The following ROBO1 variants were observed in gnomAD, a reference collection of about 807,000 sequenced individuals.
ROBO1 encodes the protein roundabout homolog 1.
In ROBO1, 149 loss-of-function variants were observed where a neutral mutation model predicts 195.9. That is an observed-to-expected ratio of 0.76 (90% CI 0.67 to 0.87). The LOEUF is 0.87. Among genes scored for constraint, ROBO1 ranks in the 40% least tolerant of loss-of-function variants. The pLI is 0.00. For missense variants in ROBO1, 1,933 were observed against 2,068.3 expected, an observed-to-expected ratio of 0.93 and a Z score of 1.27; for synonymous variants, 816 against 733.2, an observed-to-expected ratio of 1.11 and a Z score of -1.82.
rs374656599 is a variant in ROBO1, at chr3:78,639,818, T to C, written c.2963A>G (p.Asn988Ser). Residue 988 changes from asparagine to serine, a missense_variant, in exon 22 of 31, where the codon AAT (asparagine) becomes AGT (serine). Physicochemically the swap from Asn to Ser is conservative, Grantham distance 46 (BLOSUM62 1). Transcript: ENST00000464233. ...DTWPNTGNNH[N>S]DCSISCCTAG... The stretch of plus-strand genomic sequence containing the variant: ...CGTGCAGCAGCTGATGGAGCAGTCA[T>C]TGTGGTTGTTGCCAGTATTAGGCCA... 6.2e-7 allele frequency: 1 copy of C among 1,613,392 alleles called. No homozygotes were observed. The highest frequency in any genetic ancestry group is 1.3e-5 in the African/African-American group (1 of 74,910).
At chr3:78,704,072 T>C (rs1684504900) in intron 8 of ROBO1, among the ~76,000 whole-genome samples, 1 of 152,150 alleles carries the variant, frequency 6.6e-6, no homozygotes, top group African/African-American at 2.4e-5. Context: ...CTCACAGTTC[T>C]CAACCAAGAT....
chr3:79,482,768 A>G (rs551536390), intron 2 of ROBO1, among the ~76,000 whole-genome samples: 1 of 152,336 alleles, frequency 6.6e-6, no homozygotes, highest in East Asian at 1.9e-4. Context: ...CGTGATAACC[A>G]TAGAGGGATG....
intron 2 of ROBO1, among the ~76,000 whole-genome samples, chr3:79,550,501 C>T (rs532879996): frequency 1.3e-5 from 2 of 152,286 alleles, no homozygotes; most frequent in Non-Finnish European, 2.9e-5. Flanking sequence ...TAGAGAGGAA[C>T]ATTTTAACTT....
At chr3:78,684,618 T>C (rs2081009999) in intron 10 of ROBO1, among the ~76,000 whole-genome samples, 1 of 152,042 alleles carries the variant, frequency 6.6e-6, no homozygotes, top group Admixed American at 6.6e-5. Context: ...AGAAACAGGA[T>C]GGAATTAGTA....
chr3:79,502,439 C>T (rs1349919195), intron 2 of ROBO1, among the ~76,000 whole-genome samples: 1 of 152,138 alleles, frequency 6.6e-6, no homozygotes, highest in Non-Finnish European at 1.5e-5. Flanking sequence ...GCCTTAGCTG[C>T]CTCCCCGCGG....
chr3:79,035,080 T>C (rs1287804233), intron 3 of ROBO1, among the ~76,000 whole-genome samples: 1 of 152,110 alleles, frequency 6.6e-6, no homozygotes, highest in Non-Finnish European at 1.5e-5. Flanking sequence ...AAAATAGCAA[T>C]CGTTGGTATC....
chr3:79,194,466 C>A (rs1330424862), intron 2 of ROBO1, among the ~76,000 whole-genome samples: 1 of 151,604 alleles, frequency 6.6e-6, no homozygotes, highest in Non-Finnish European at 1.5e-5. Context: ...TATTACAATA[C>A]ATAATTCCCA....
intron 4 of ROBO1, among the ~76,000 whole-genome samples, chr3:78,792,055 G>T (rs1211130485): frequency 1.3e-5 from 2 of 152,148 alleles, no homozygotes; most frequent in Non-Finnish European, 2.9e-5. Context: ...CCCTCATAGG[G>T]TTTCATCTGC....
chr3:78,947,828 T>C (rs1046596744), intron 3 of ROBO1, among the ~76,000 whole-genome samples: 2 of 152,016 alleles, frequency 1.3e-5, no homozygotes, highest in Admixed American at 1.3e-4. Context: ...CAATAAAAAA[T>C]GATAAAGGGG....
chr3:79,065,291 C>T (rs1364039728), intron 3 of ROBO1, among the ~76,000 whole-genome samples: 1 of 151,874 alleles, frequency 6.6e-6, no homozygotes, highest in Non-Finnish European at 1.5e-5. Flanking sequence ...CTGTCATTCC[C>T]TATGTCTTGA....
At chr3:79,166,535 G>C (rs900110525) in intron 2 of ROBO1, among the ~76,000 whole-genome samples, 1 of 150,458 alleles carries the variant, frequency 6.6e-6, no homozygotes, top group African/African-American at 2.4e-5. Flanking sequence ...TAAGTTGCAG[G>C]ATGGAAGGCA....
intron 1 of ROBO1, among the ~76,000 whole-genome samples, chr3:79,684,541 G>T (rs1947042922): frequency 6.6e-6 from 1 of 151,968 alleles, no homozygotes; most frequent in Non-Finnish European, 1.5e-5. Flanking sequence ...TAAGTTCAAT[G>T]TCTGAACTTC....
chr3:79,583,168 T>C (rs1016246943), intron 2 of ROBO1, among the ~76,000 whole-genome samples: 1 of 152,040 alleles, frequency 6.6e-6, no homozygotes, highest in Non-Finnish European at 1.5e-5. Context: ...GTGTTCCTAT[T>C]CTGAACAGTT....
At chr3:79,583,499 T>G (rs1449862651) in intron 2 of ROBO1, among the ~76,000 whole-genome samples, 2 of 151,984 alleles carry the variant, frequency 1.3e-5, no homozygotes, top group East Asian at 1.9e-4. Context: ...TGGAGAAATA[T>G]CTGAAAAAGA....
chr3:79,660,498 G>C (rs955719884), intron 1 of ROBO1, among the ~76,000 whole-genome samples: 25 of 152,070 alleles, frequency 1.6e-4, no homozygotes, highest in African/African-American at 5.8e-4. Flanking sequence ...CCTGTGCCCT[G>C]AAGGTGTAGA....
chr3:79,126,396 A>G (rs2080215705), intron 2 of ROBO1, among the ~76,000 whole-genome samples: 1 of 152,198 alleles, frequency 6.6e-6, no homozygotes, highest in Non-Finnish European at 1.5e-5. Flanking sequence ...ACAACACTCC[A>G]GTTTCCATAT....
chr3:78,655,125 T>A (rs2118069), intron 18 of ROBO1, among the ~76,000 whole-genome samples: 148,095 of 151,698 alleles, frequency 0.98, 72,337 homozygotes, highest in East Asian at 1. Flanking sequence ...TGGTTTTTTT[T>A]AAAAAAAATA....
In ROBO1 at chr3:78,893,532, A is replaced by G. The variant is rs186819328; in HGVS notation, c.499+45069T>C. 1.6e-4 allele frequency among the ~76,000 whole-genome samples: 24 copies of G among 152,346 alleles called. No individual in the cohort carries two copies. The Middle Eastern group carries it at 0.014, about 86-fold the overall frequency. ...TCAGTCTTAGATATTTTATTGTAGC[A>G]GCACAGACTAAGACATATTGGCTGT... On this transcript the variant is annotated intron_variant, in intron 4 of 30. Coordinates refer to ENST00000464233, the MANE Select transcript of ROBO1 (RefSeq NM_002941.4).
chr3:79,402,305 C>T (rs1220779284), intron 2 of ROBO1, among the ~76,000 whole-genome samples: 1 of 151,848 alleles, frequency 6.6e-6, no homozygotes, highest in African/African-American at 2.4e-5. Context: ...CTTATTATTA[C>T]AGACAATAAT....
Sources: gnomAD v4.1 joint callset for allele counts (sites outside exome capture counted in the v4.1 genomes callset) on GRCh38, gnomAD v4.1.1 for gene constraint, MANE v1.5 for transcripts, NCBI Gene and HGNC (gene_info 2026-07-23, HGNC 2026-07-21) for gene names.